Variants in CIZ1 observed in about 807,000 individuals in gnomAD.
The protein encoded by CIZ1 is CDKN1A interacting zinc finger protein 1.
CIZ1 carries 58 observed loss-of-function variants against 118.6 expected under a neutral mutation model. The ratio of observed to expected loss-of-function variants is 0.49; its 90% CI spans 0.40 to 0.61. CIZ1 has a LOEUF of 0.61. Among genes scored for constraint, CIZ1 ranks in the 20% least tolerant of loss-of-function variants. CIZ1 has a pLI of 0.00. For missense variants in CIZ1, 921 were observed against 1,115.9 expected, an observed-to-expected ratio of 0.83 and a Z score of 2.49; for synonymous variants, 448 against 443.4, an observed-to-expected ratio of 1.01 and a Z score of -0.13.
At chr9:128,180,699 G>A (rs1328612869) in intron 6 of CIZ1, 22 bp downstream of exon 6, 1 of 1,569,986 alleles carries the variant, frequency 6.4e-7, no homozygotes, top group Non-Finnish European at 8.7e-7. Context: ...CCTCTGAAGG[G>A]CCAGCAGCCT....
At chr9:128,202,939 G>A (rs1211496700) in intron 1 of CIZ1, 1 of 152,132 alleles carries the variant, frequency 6.6e-6, no homozygotes, top group Non-Finnish European at 1.5e-5. Flanking sequence ...CAAGGAAACT[G>A]AGGACCAAAG....
intron 3 of CIZ1, among the ~76,000 whole-genome samples, chr9:128,189,824 C>CAAAAAAAAA (rs56177059): frequency 7.1e-5 from 3 of 42,246 alleles, no homozygotes; most frequent in African/African-American, 2.9e-4. Flanking sequence ...AACTCTGTCT[C>CAAAAAAAAA]AAAAAAAAAA....
intron 1 of CIZ1, among the ~76,000 whole-genome samples, chr9:128,201,938 G>C (rs1428844088): frequency 2.0e-5 from 3 of 152,134 alleles, no homozygotes; most frequent in Non-Finnish European, 4.4e-5. Flanking sequence ...GTCACTCTCT[G>C]ATCACCATCT....
intron 11 of CIZ1, among the ~76,000 whole-genome samples, chr9:128,175,688 T>C (rs1308575978): frequency 3.9e-5 from 6 of 152,162 alleles, no homozygotes. Context: ...AATTGGGAGA[T>C]TTCACATACA....
At chr9:128,187,459 T>C (rs1169679998) in intron 4 of CIZ1, among the ~76,000 whole-genome samples, 1 of 152,230 alleles carries the variant, frequency 6.6e-6, no homozygotes, top group African/African-American at 2.4e-5. Context: ...AACAAATCAC[T>C]TCCCCCTGCT....
intron 2 of CIZ1, 64 bp downstream of exon 2, chr9:128,190,624 G>C (rs1833012551): frequency 1.3e-6 from 2 of 1,519,582 alleles, no homozygotes; most frequent in Admixed American, 2.0e-5. Flanking sequence ...ATGGGGATCG[G>C]GAGCTCCGAG....
At chr9:128,196,604 A>ATTATTTAT (rs931580382), upstream of CIZ1, among the ~76,000 whole-genome samples, 1 of 151,420 alleles carries the variant, frequency 6.6e-6, no homozygotes, top group Non-Finnish European at 1.5e-5. Context: ...GAATGTCTCT[A>ATTATTTAT]TTATTTATTT....
rs3892074 is a variant in CIZ1 at position 128,178,543 on chromosome 9, C to T, written c.1499-53G>A. On this transcript the variant is annotated intron_variant, in intron 8 of 16. Transcript: ENST00000372938. Reference sequence around the variant, plus strand: ...CAGAGTCCCCAGGCCCAAGAGCTGCCTTCTCCGTCCGCAGCCAGAACCTTG... The same window carrying T: ...CAGAGTCCCCAGGCCCAAGAGCTGCTTTCTCCGTCCGCAGCCAGAACCTTG... The T allele has an allele frequency of 0.66, 1,062,958 of 1,612,008 alleles. 355,827 individuals are homozygous for T. The highest frequency in any genetic ancestry group is 0.95 in the East Asian group (42,463 of 44,882).
At chr9:128,193,709 T>TA (rs1833305660), upstream of CIZ1, among the ~76,000 whole-genome samples, 1 of 151,604 alleles carries the variant, frequency 6.6e-6, no homozygotes, top group African/African-American at 2.4e-5. Flanking sequence ...GACTCCATTT[T>TA]AAAAAATAAA....
chr9:128,184,581 C>T (rs112079688), intron 5 of CIZ1, among the ~76,000 whole-genome samples: 5,049 of 147,764 alleles, frequency 0.034, 267 homozygotes, highest in African/African-American at 0.12. Flanking sequence ...CAGCCTCTAA[C>T]TCCTGGCCTC....
chr9:128,173,444 C>A (rs947765460), intron 11 of CIZ1, among the ~76,000 whole-genome samples: 1 of 151,640 alleles, frequency 6.6e-6, no homozygotes, highest in Non-Finnish European at 1.5e-5. Flanking sequence ...CGCGCCCGGC[C>A]GGCTAATTTT....
chr9:128,172,168 A>G lies in CIZ1; in HGVS notation c.1944-2061T>C, dbSNP rs78976226. On this transcript the variant is annotated intron_variant, in intron 11 of 16. Transcript: ENST00000372938. The stretch of plus-strand genomic sequence containing the variant: ...GTCTCAAAAAAAAAAAAAAAAAAAA[A>G]AAAAAAAAAGAAAAAAGAAAAGCCA... Among the ~76,000 whole-genome samples the G allele has an allele frequency of 1.1e-3, 149 of 134,854 alleles. 1 individual carries two copies. The highest frequency in any genetic ancestry group is 2.0e-3 in the Non-Finnish European group (118 of 59,832). The allele number at this position is 134,854 out of a possible 152,430, so 88.5% of individuals were successfully genotyped here.
At chr9:128,191,936 A>ACATT, upstream of CIZ1, 4 of 1,426,380 alleles carry the variant, frequency 2.8e-6, no homozygotes, top group South Asian at 1.4e-5. The surrounding 1 kb of genome is among the most constrained non-coding windows in gnomAD (Gnocchi z 5.5). Context: ...TGGCGGATGT[A>ACATT]CATTCATTCG....
intron 5 of CIZ1, among the ~76,000 whole-genome samples, chr9:128,183,354 A>G (rs958218534): frequency 6.6e-6 from 1 of 152,142 alleles, no homozygotes; most frequent in Non-Finnish European, 1.5e-5. Context: ...GGGTTTTTCC[A>G]TACGTAAAAA....
intron 10 of CIZ1, among the ~76,000 whole-genome samples, chr9:128,176,988 T>A (rs1203262902): frequency 6.6e-6 from 1 of 152,056 alleles, no homozygotes; most frequent in Non-Finnish European, 1.5e-5. Flanking sequence ...CACTGCAACC[T>A]CTGCCTCCTG....
Position 128,169,003 on chromosome 9 carries a change from G to A in CIZ1, c.2295+49C>T, listed in dbSNP as rs754435067. On this transcript the variant is annotated intron_variant, in intron 14 of 16. Coordinates refer to ENST00000372938, the MANE Select transcript of CIZ1 (RefSeq NM_001131016.2). ...GGGAGGTGGGATGAGGTCTGTCCTG[G>A]GCTGGGAATCCAGCACCAAGCCCGC... 8.1e-6 allele frequency: 13 copies of A among 1,611,364 alleles called. No homozygotes were observed. In the South Asian group the frequency reaches 1.2e-4, roughly 15 times the overall value.
intron 1 of CIZ1, among the ~76,000 whole-genome samples, chr9:128,199,148 ACC>A (rs1208962676): frequency 3.9e-5 from 6 of 152,040 alleles, no homozygotes; most frequent in African/African-American, 1.2e-4. Context: ...TGAGTGGATC[ACC>A]TGAGGTCAGG....
chr9:128,197,239 A>T (rs7023000), intron 1 of CIZ1: 41,596 of 152,162 alleles, frequency 0.27, 6,063 homozygotes, highest in Non-Finnish European at 0.32. Flanking sequence ...TTGCTTCAGG[A>T]TGCAATTTCT....
At chr9:128,191,805 A>C, upstream of CIZ1, 1 of 1,444,938 alleles carries the variant, frequency 6.9e-7, no homozygotes, top group Non-Finnish European at 9.1e-7. This position sits in a 1 kb window ranked among gnomAD's most constrained non-coding sequence, Gnocchi z 5.5. Context: ...CGGAAGGGTC[A>C]GCCATCCCGC....
Sources: allele counts gnomAD v4.1 joint callset (sites outside exome capture counted in the v4.1 genomes callset), GRCh38; gene constraint gnomAD v4.1.1; non-coding constraint Gnocchi (gnomAD v3.1); transcripts MANE v1.5; gene names NCBI Gene and HGNC (gene_info 2026-07-23, HGNC 2026-07-21).